The following YEATS2 variants were observed in gnomAD, a reference collection of about 807,000 sequenced individuals.
The protein encoded by YEATS2 is YEATS domain containing 2.
A neutral mutation model predicts 163.2 loss-of-function variants in YEATS2; 77 were observed. The observed-to-expected ratio is 0.47, with a 90% confidence interval of 0.39 to 0.57. The LOEUF is 0.57. Among genes scored for constraint, YEATS2 ranks in the 20% least tolerant of loss-of-function variants. The probability of loss-of-function intolerance (pLI) is 0.00; values close to 1 mark genes in which losing one functional copy is unlikely to be tolerated. For missense variants in YEATS2, 1,549 were observed against 1,729.8 expected (o/e 0.90, Z 1.85); for synonymous variants, 631 against 645.1 (o/e 0.98, Z 0.33).
At position 183,797,909 on chromosome 3, in the gene YEATS2, C is replaced by G. The variant is rs771413788; in HGVS notation, c.3098-14C>G. On this transcript the variant is annotated splice_polypyrimidine_tract_variant and intron_variant, in intron 21 of 30. Coordinates refer to ENST00000305135, the MANE Select transcript of YEATS2 (RefSeq NM_018023.5). ...CTGACCTTCAACTTGGCTTTATCTT[C>G]CAATTTGTTCTAGGACTGTTAAAGA... 3 of 1,613,602 alleles carry G rather than the reference C, an allele frequency of 1.9e-6. No homozygotes were observed. Among genetic ancestry groups the G allele is most frequent in the Non-Finnish European group, 2.5e-6 (3 of 1,179,664 alleles).
intron 10 of YEATS2, among the ~76,000 whole-genome samples, chr3:183,753,077 C>G (rs546224291): frequency 1.3e-5 from 2 of 152,210 alleles, no homozygotes; most frequent in East Asian, 1.9e-4. Flanking sequence ...GGATTACAGG[C>G]ATGACCCACC....
At chr3:183,803,134 C>G in intron 25 of YEATS2, 122 bp from the exon 26 acceptor site, 1 of 1,000,024 alleles carries the variant, frequency 1.0e-6, no homozygotes, top group Non-Finnish European at 1.5e-6. Context: ...CTGAGCTTGC[C>G]CAGTAAGGAA....
chr3:183,786,358 C>T (rs746061443), intron 20 of YEATS2, 57 bp downstream of exon 20: 1 of 1,513,056 alleles, frequency 6.6e-7, no homozygotes, highest in Non-Finnish European at 8.9e-7. Context: ...GGTGTAGATA[C>T]AAGGAAGGTG....
chr3:183,763,411 T>C (rs1227887990), intron 15 of YEATS2, among the ~76,000 whole-genome samples: 2 of 152,238 alleles, frequency 1.3e-5, no homozygotes, highest in Admixed American at 6.5e-5. Context: ...ACTGTTAATA[T>C]ATGCAGTCTG....
intron 20 of YEATS2, among the ~76,000 whole-genome samples, chr3:183,787,030 C>G (rs1267330234): frequency 6.6e-6 from 1 of 152,162 alleles, no homozygotes; most frequent in Non-Finnish European, 1.5e-5. Flanking sequence ...TCTCGGCTCA[C>G]TGGAACCTCC....
At chr3:183,778,603 G>T (rs1320041172) in intron 19 of YEATS2, among the ~76,000 whole-genome samples, 2 of 152,034 alleles carry the variant, frequency 1.3e-5, no homozygotes, top group Non-Finnish European at 2.9e-5. Context: ...TGATCTGCCC[G>T]CCTCGGCCTC....
Position 183,752,094 on chromosome 3 carries a change from C to T in YEATS2, c.991C>T (p.Arg331Cys), listed in dbSNP as rs779132879. Reference sequence around the variant, plus strand: ...CTAGGTAGTGGATGTTGAACTCCATCGCCATTCTCTCGGAGAAGACTGTAT... The same window carrying T: ...CTAGGTAGTGGATGTTGAACTCCATTGCCATTCTCTCGGAGAAGACTGTAT... ...AETVVDVELHRHSLGEDCIYP... is the reference protein window; with the variant it reads ...AETVVDVELHCHSLGEDCIYP... The change falls in exon 10 of 31, where the codon CGC becomes TGC. Residue 331 changes from arginine to cysteine, a missense_variant. Arg to Cys is a radical substitution (Grantham distance 180). Coordinates refer to ENST00000305135, the MANE Select transcript of YEATS2 (RefSeq NM_018023.5). 5.0e-6 allele frequency: 8 copies of T among 1,613,896 alleles called. No individual in the cohort carries two copies. In the African/African-American group the frequency reaches 5.3e-5, roughly 11 times the overall value.
rs139500481 is a variant in YEATS2, at chr3:183,772,758, TACAC to T, written c.2206+212_2206+215del. ...GTCTGTGAGTATTTAGCTTTAAATTTACACACACACACACACACACCCACATACA... is the reference window on the plus strand; with the variant it reads ...GTCTGTGAGTATTTAGCTTTAAATTTACACACACACACACACCCACATACA... On this transcript the variant is annotated intron_variant, in intron 16 of 30. Transcript: ENST00000305135. Among the ~76,000 whole-genome samples the T allele has an allele frequency of 3.3e-4, 26 of 78,752 alleles. 1 individual carries two copies. The highest frequency in any genetic ancestry group is 5.6e-4 in the South Asian group (1 of 1,790). 51.7% of individuals were successfully genotyped at this position (78,752 alleles called of 152,430 possible). A position where few individuals can be genotyped will look rare whatever the true frequency, so the allele number is the denominator to read the frequency against.
In YEATS2 at chr3:183,778,067, G is replaced by A. The variant is rs184711447; in HGVS notation, c.2736+367G>A. ...GCGGAGGTTGCAGTGAGCCGAGATC[G>A]TGCCATTGCACTCCATCCTGGGCGA... On this transcript the variant is annotated intron_variant, in intron 19 of 30. Coordinates refer to ENST00000305135, the MANE Select transcript of YEATS2 (RefSeq NM_018023.5). Among the ~76,000 whole-genome samples the A allele has an allele frequency of 3.5e-3, 519 of 146,364 alleles. 4 individuals carry two copies. Among genetic ancestry groups the A allele is most frequent in the African/African-American group, 0.011 (415 of 39,424 alleles).
intron 15 of YEATS2, among the ~76,000 whole-genome samples, chr3:183,769,178 AC>A (rs1722209345): frequency 6.6e-6 from 1 of 152,174 alleles, no homozygotes; most frequent in African/African-American, 2.4e-5. Flanking sequence ...CATGCCTATT[AC>A]CCAGTTTTAA....
At chr3:183,759,119 A>C (rs909311391) in intron 13 of YEATS2, among the ~76,000 whole-genome samples, 154 bp downstream of exon 13, 3 of 152,242 alleles carry the variant, frequency 2.0e-5, no homozygotes, top group Admixed American at 2.0e-4. Flanking sequence ...CTGCCAGGGT[A>C]CTGCGGTTAC....
chr3:183,758,365 A>AT (rs1477898413), intron 12 of YEATS2, among the ~76,000 whole-genome samples: 8 of 123,796 alleles, frequency 6.5e-5, no homozygotes, highest in Non-Finnish European at 1.2e-4. Flanking sequence ...TCAGGAAAAA[A>AT]AAATAATAAT....
intron 15 of YEATS2, among the ~76,000 whole-genome samples, chr3:183,764,253 C>T (rs1721666413): frequency 6.6e-6 from 1 of 151,120 alleles, no homozygotes; most frequent in Non-Finnish European, 1.5e-5. Context: ...CTCCTGTAAT[C>T]TCAACTAGTC....
intron 8 of YEATS2, among the ~76,000 whole-genome samples, chr3:183,744,114 T>A (rs1719265573): frequency 2.2e-5 from 3 of 133,550 alleles, no homozygotes; most frequent in Non-Finnish European, 4.8e-5. Flanking sequence ...TTTTTTTTTT[T>A]TTTTTTTTTT....
At chr3:183,757,571 C>T (rs262994) in intron 12 of YEATS2, among the ~76,000 whole-genome samples, 60,387 of 152,012 alleles carry the variant, frequency 0.4, 12,559 homozygotes, top group Middle Eastern at 0.53. Flanking sequence ...TGAGCTACCA[C>T]GCCTGGCCCC....
intron 8 of YEATS2, among the ~76,000 whole-genome samples, chr3:183,746,505 G>C (rs1719551368): frequency 6.6e-6 from 1 of 152,134 alleles, no homozygotes; most frequent in South Asian, 2.1e-4. Context: ...TTGTTTTCCA[G>C]TTCCTCTTCT....
intron 1 of YEATS2, among the ~76,000 whole-genome samples, chr3:183,705,221 TG>T (rs1714500382): frequency 6.6e-6 from 1 of 152,110 alleles, no homozygotes; most frequent in Admixed American, 6.5e-5. Context: ...AACTAATTTT[TG>T]TATTGTTTGT....
intron 15 of YEATS2, among the ~76,000 whole-genome samples, chr3:183,765,125 G>A (rs1408202014): frequency 6.6e-6 from 1 of 152,184 alleles, no homozygotes; most frequent in Non-Finnish European, 1.5e-5. Context: ...TCCCACTGTG[G>A]TTCTGGCTTC....
Position 183,697,965 on chromosome 3 carries a change from C to T in YEATS2, c.-48C>T, listed in dbSNP as rs1713643396. 6.6e-6 allele frequency: 1 copy of T among 151,934 alleles called. No homozygotes were observed. The highest frequency in any genetic ancestry group is 2.4e-5 in the African/African-American group (1 of 41,410). 9.4% of individuals were successfully genotyped at this position (151,934 alleles called of 1,614,324 possible). ...CTCTCTCGCGGCGGCCGGCGGGGCCCGCGCTGCAGCCGGAGACCCGGAGAA... is the reference window on the plus strand; with the variant it reads ...CTCTCTCGCGGCGGCCGGCGGGGCCTGCGCTGCAGCCGGAGACCCGGAGAA... On this transcript the variant is annotated 5_prime_UTR_variant, in exon 1 of 31. Coordinates refer to ENST00000305135, the MANE Select transcript of YEATS2 (RefSeq NM_018023.5).
Sources: gnomAD v4.1 joint callset for allele counts (sites outside exome capture counted in the v4.1 genomes callset) on GRCh38, gnomAD v4.1.1 for gene constraint, MANE v1.5 for transcripts, NCBI Gene and HGNC (gene_info 2026-07-23, HGNC 2026-07-21) for gene names.